FBXO40: variants seen among roughly 807,000 people sequenced by gnomAD.
FBXO40 encodes the protein F-box protein 40.
In FBXO40, 50 loss-of-function variants were observed where a neutral mutation model predicts 49.9. That is an observed-to-expected ratio of 1.00 (90% CI 0.80 to 1.27). The LOEUF is 1.27. FBXO40 is among the 50% of genes most tolerant of loss of function. The pLI is 0.00. For missense variants in FBXO40, 895 were observed against 870.1 expected (o/e 1.03, Z -0.36); for synonymous variants, 340 against 320.2 (o/e 1.06, Z -0.66).
At position 121,621,724 on chromosome 3, in the gene FBXO40, T is replaced by G. The variant is rs2049032228; in HGVS notation, c.295T>G (p.Trp99Gly). ...PASVVCCSME[W>G]NRWPNVDSET... ...CAGCGTGGTCTGCTGCTCCATGGAG[T>G]GGAACCGCTGGCCAAATGTGGACTC... is the stretch of plus-strand genomic sequence containing the variant. Residue 99 changes from tryptophan to glycine, a missense_variant, in exon 3 of 4, where the codon TGG becomes GGG. By Grantham distance (184) the Trp-to-Gly change is radical (BLOSUM62 -2). Coordinates refer to ENST00000338040, the MANE Select transcript of FBXO40 (RefSeq NM_016298.4). 6.2e-7 allele frequency: 1 copy of G among 1,613,852 alleles called. No homozygotes were observed. Among genetic ancestry groups the G allele is most frequent in the Admixed American group, 1.7e-5 (1 of 59,986 alleles).
At chr3:121,603,553 T>C (rs1054922563) in intron 1 of FBXO40, among the ~76,000 whole-genome samples, 2 of 152,122 alleles carry the variant, frequency 1.3e-5, no homozygotes, top group Non-Finnish European at 2.9e-5. Context: ...TGGTGAGAGA[T>C]GTTTTGTCTG....
chr3:121,608,287 C>T (rs2048942613), intron 1 of FBXO40, among the ~76,000 whole-genome samples: 1 of 152,112 alleles, frequency 6.6e-6, no homozygotes, highest in African/African-American at 2.4e-5. Flanking sequence ...TGAGAAGTCC[C>T]CACTCTTTCC....
At chr3:121,601,746 T>C (rs184887388) in intron 1 of FBXO40, among the ~76,000 whole-genome samples, 17 of 152,344 alleles carry the variant, frequency 1.1e-4, no homozygotes, top group Non-Finnish European at 2.4e-4. Flanking sequence ...TTCCTGGAGC[T>C]GGTAGCTTTT....
At chr3:121,594,520 G>A (rs973698688) in intron 1 of FBXO40, among the ~76,000 whole-genome samples, 6 of 152,168 alleles carry the variant, frequency 3.9e-5, no homozygotes, top group Non-Finnish European at 7.3e-5. Context: ...GTTTTCTAAA[G>A]TCTAAATGCT....
rs1001984813 is a variant in FBXO40 at position 121,622,910 on chromosome 3, A to C, written c.1481A>C (p.Asn494Thr). ...RRDEFPLHFKNVHTDIQSCLN... is the reference protein window; with the variant it reads ...RRDEFPLHFKTVHTDIQSCLN... Reference sequence around the variant, plus strand: ...GATGAGTTCCCCCTGCACTTCAAGAATGTCCACACAGACATTCAGTCATGT... The same window carrying C: ...GATGAGTTCCCCCTGCACTTCAAGACTGTCCACACAGACATTCAGTCATGT... The change falls in exon 3 of 4, where the codon AAT (asparagine) becomes ACT (threonine). Residue 494 changes from asparagine to threonine, a missense_variant. Coordinates refer to ENST00000338040, the MANE Select transcript of FBXO40 (RefSeq NM_016298.4). 2.5e-6 allele frequency: 4 copies of C among 1,614,208 alleles called. No individual in the cohort carries two copies. In the Admixed American group the frequency reaches 5.0e-5, roughly 20 times the overall value.
At chr3:121,610,525 A>C (rs12491882) in intron 1 of FBXO40, among the ~76,000 whole-genome samples, 58,285 of 152,000 alleles carry the variant, frequency 0.38, 11,998 homozygotes, top group East Asian at 0.65. Context: ...CATCCTTTCC[A>C]TGAGTAATTT....
Position 121,593,765 on chromosome 3 carries a change from T to C in FBXO40, c.-31+263T>C, listed in dbSNP as rs79444863. On this transcript the variant is annotated intron_variant, in intron 1 of 3. Coordinates refer to ENST00000338040, the MANE Select transcript of FBXO40 (RefSeq NM_016298.4). ...CTTCTATAATCAACAAGAGTAGTTATGATATCTGTAAAGTTACAACATGGT... is the reference window on the plus strand; with the variant it reads ...CTTCTATAATCAACAAGAGTAGTTACGATATCTGTAAAGTTACAACATGGT... Among the ~76,000 whole-genome samples, 653 of 152,260 alleles carry C rather than the reference T, an allele frequency of 4.3e-3. 4 individuals are homozygous for C. Among genetic ancestry groups the C allele is most frequent in the African/African-American group, 0.015 (616 of 41,552 alleles).
Position 121,622,494 on chromosome 3 carries a change from C to G in FBXO40, c.1065C>G (p.Ser355Arg), listed in dbSNP as rs1038101856. Reference protein sequence around the residue: ...KTVYTFKVPVSYCGKRARLGD... With the variant: ...KTVYTFKVPVRYCGKRARLGD... ...TTTACACCTTCAAAGTTCCTGTGAG[C>G]TACTGTGGAAAGCGAGCTCGACTTG... Residue 355 changes from serine (S) to arginine (R), a missense_variant, in exon 3 of 4, where the codon AGC becomes AGG. Ser to Arg is a moderately radical substitution (Grantham distance 110). Transcript: ENST00000338040. 38 of 1,614,106 alleles carry G rather than the reference C, an allele frequency of 2.4e-5. No individual in the cohort carries two copies. The Admixed American group carries it at 6.2e-4, about 26-fold the overall frequency.
chr3:121,626,862 C>T lies in FBXO40; in HGVS notation c.2082C>T (p.Ser694=), dbSNP rs1287183830. ...MCQPREQARE[S]LVSTFRIRPR... ...AGCCCCGTGAGCAGGCCCGAGAGAGCTTAGTCTCCACCTTTAGAATCAGAC... is the reference window on the plus strand; with the variant it reads ...AGCCCCGTGAGCAGGCCCGAGAGAGTTTAGTCTCCACCTTTAGAATCAGAC... Residue 694 remains serine, a synonymous_variant, in exon 4 of 4, where the codon AGC becomes AGT. Transcript: ENST00000338040. 3 of 1,614,124 alleles carry T rather than the reference C, an allele frequency of 1.9e-6. No individual in the cohort carries two copies. In the South Asian group the frequency reaches 3.3e-5, roughly 18 times the overall value.
At chr3:121,604,685 C>T (rs955904164) in intron 1 of FBXO40, among the ~76,000 whole-genome samples, 24 of 152,158 alleles carry the variant, frequency 1.6e-4, no homozygotes, top group East Asian at 7.7e-4. Context: ...CTCCCTGTGC[C>T]GCAGTCAGAG....
intron 1 of FBXO40, among the ~76,000 whole-genome samples, chr3:121,595,151 G>A (rs2048864943): frequency 6.6e-6 from 1 of 152,176 alleles, no homozygotes; most frequent in African/African-American, 2.4e-5. Context: ...CTTAACTCCT[G>A]GTTCCTTCCT....
intron 1 of FBXO40, among the ~76,000 whole-genome samples, chr3:121,607,502 G>A (rs896465734): frequency 2.6e-5 from 4 of 151,326 alleles, no homozygotes; most frequent in Non-Finnish European, 4.4e-5. Context: ...GTAGAGACAG[G>A]GTTTCACTGT....
At chr3:121,598,165 C>A (rs2048882213) in intron 1 of FBXO40, among the ~76,000 whole-genome samples, 1 of 152,106 alleles carries the variant, frequency 6.6e-6, no homozygotes, top group South Asian at 2.1e-4. Flanking sequence ...GAGGAGAATT[C>A]TCGTAGAAAG....
intron 1 of FBXO40, among the ~76,000 whole-genome samples, chr3:121,603,175 T>G (rs945398471): frequency 6.6e-6 from 1 of 152,182 alleles, no homozygotes; most frequent in African/African-American, 2.4e-5. Flanking sequence ...ATGTCTTAAT[T>G]GTTGCCAGAA....
At chr3:121,601,320 G>A (rs1444299308) in intron 1 of FBXO40, among the ~76,000 whole-genome samples, 2 of 151,862 alleles carry the variant, frequency 1.3e-5, no homozygotes, top group African/African-American at 4.8e-5. Flanking sequence ...TCCACTCACC[G>A]TGCCTTTCTG....
chr3:121,626,235 T>C (rs1036171078), intron 3 of FBXO40, among the ~76,000 whole-genome samples: 2 of 152,226 alleles, frequency 1.3e-5, no homozygotes, highest in African/African-American at 4.8e-5. Context: ...CATTGTAAGA[T>C]AGTGCTCACT....
chr3:121,624,967 C>T (rs1293744275), intron 3 of FBXO40, among the ~76,000 whole-genome samples: 1 of 152,204 alleles, frequency 6.6e-6, no homozygotes, highest in Non-Finnish European at 1.5e-5. Flanking sequence ...CAACAAATCT[C>T]CTCAGTCCCA....
At chr3:121,618,831 A>C (rs1323737528) in intron 1 of FBXO40, among the ~76,000 whole-genome samples, 1 of 151,878 alleles carries the variant, frequency 6.6e-6, no homozygotes, top group Non-Finnish European at 1.5e-5. Context: ...AAAATGGTAA[A>C]ATGTTAGCAA....
intron 1 of FBXO40, among the ~76,000 whole-genome samples, chr3:121,618,733 G>A (rs1195367523): frequency 6.6e-6 from 1 of 151,798 alleles, no homozygotes; most frequent in Non-Finnish European, 1.5e-5. Context: ...AAAACTGTGT[G>A]TGTGTGTGTA....
Sources: gnomAD v4.1 joint callset for allele counts (sites outside exome capture counted in the v4.1 genomes callset) on GRCh38, gnomAD v4.1.1 for gene constraint, MANE v1.5 for transcripts, NCBI Gene and HGNC (gene_info 2026-07-23, HGNC 2026-07-21) for gene names.